PPFIA2: variants seen among roughly 807,000 people sequenced by gnomAD.
PPFIA2 encodes the protein PPFI scaffold protein A2, also known as liprin-alpha-2.
Under a neutral mutation model 175.5 loss-of-function variants are expected in PPFIA2, and 46 were observed. The observed-to-expected ratio is 0.26, with a 90% CI of 0.21 to 0.34. PPFIA2 has a LOEUF of 0.34. Ranked by LOEUF, PPFIA2 falls within the 10% of genes least tolerant of loss-of-function variation. The probability of loss-of-function intolerance (pLI) is 1.00; values close to 1 mark genes in which losing one functional copy is unlikely to be tolerated. For synonymous variants in PPFIA2, 568 were observed against 511.4 expected, an observed-to-expected ratio of 1.11 and a Z score of -1.49; for missense variants, 1,179 against 1,506.1, an observed-to-expected ratio of 0.78 and a Z score of 3.60.
At chr12:81,610,343 T>A (rs1365793745) in intron 4 of PPFIA2, among the ~76,000 whole-genome samples, 1 of 152,212 alleles carries the variant, frequency 6.6e-6, no homozygotes, top group Non-Finnish European at 1.5e-5. Context: ...ATTTTCCAAA[T>A]TGTTTATTTT....
chr12:81,378,577 G>A (rs17008456), intron 9 of PPFIA2, among the ~76,000 whole-genome samples: 4,536 of 152,008 alleles, frequency 0.03, 211 homozygotes, highest in African/African-American at 0.1. Flanking sequence ...CTCAATGATG[G>A]TAGAGTTTTT....
intron 3 of PPFIA2, among the ~76,000 whole-genome samples, chr12:81,703,411 C>G (rs1272167515): frequency 6.6e-6 from 1 of 152,032 alleles, no homozygotes; most frequent in Non-Finnish European, 1.5e-5. Flanking sequence ...TCCTCAATCC[C>G]CAAGTCCTAT....
At chr12:81,677,330 AT>A (rs2072727359) in intron 3 of PPFIA2, among the ~76,000 whole-genome samples, 1 of 151,956 alleles carries the variant, frequency 6.6e-6, no homozygotes, top group Non-Finnish European at 1.5e-5. Flanking sequence ...AACATTTATC[AT>A]TTCATTGTTT....
chr12:81,309,224 G>A (rs1158269892), intron 22 of PPFIA2, among the ~76,000 whole-genome samples: 3 of 152,158 alleles, frequency 2.0e-5, no homozygotes, highest in South Asian at 4.1e-4. Flanking sequence ...TTATTATTCA[G>A]GAATCCATAC....
chr12:81,727,532 TCAAA>T (rs1176758865), intron 3 of PPFIA2, among the ~76,000 whole-genome samples: 2 of 151,326 alleles, frequency 1.3e-5, no homozygotes, highest in African/African-American at 2.4e-5. Context: ...ACTCAAATAG[TCAAA>T]CAGAGGCATC....
intron 4 of PPFIA2, among the ~76,000 whole-genome samples, chr12:81,578,072 G>C (rs1414442055): frequency 6.6e-6 from 1 of 151,652 alleles, no homozygotes; most frequent in Non-Finnish European, 1.5e-5. Context: ...ATTTAGTGCT[G>C]GCTATGGGCT....
chr12:81,302,765 T>C (rs1372378968), intron 22 of PPFIA2: 9 of 414,758 alleles, frequency 2.2e-5, no homozygotes, highest in Non-Finnish European at 2.9e-5. Flanking sequence ...TTGCCTTGCA[T>C]TATTATTTTT....
chr12:81,532,413 A>G (rs1025247144), intron 4 of PPFIA2, among the ~76,000 whole-genome samples: 2 of 151,796 alleles, frequency 1.3e-5, no homozygotes, highest in African/African-American at 4.8e-5. Context: ...GCCAGTTGCC[A>G]TGAGGTCAAG....
chr12:81,634,457 A>G (rs950770114), intron 4 of PPFIA2, among the ~76,000 whole-genome samples: 33 of 152,040 alleles, frequency 2.2e-4, no homozygotes, highest in Admixed American at 1.9e-3. Context: ...AAGCATCCCA[A>G]TCCAGCTGTA....
At chr12:81,668,430 C>A (rs2070774989) in intron 4 of PPFIA2, among the ~76,000 whole-genome samples, 2 of 152,084 alleles carry the variant, frequency 1.3e-5, no homozygotes, top group South Asian at 4.1e-4. Context: ...AGTGGTCTTG[C>A]ATGTCCGCAA....
At chr12:81,549,184 C>A (rs988136467) in intron 4 of PPFIA2, among the ~76,000 whole-genome samples, 4 of 151,944 alleles carry the variant, frequency 2.6e-5, no homozygotes, top group African/African-American at 9.7e-5. Flanking sequence ...TTATTACTTT[C>A]ATTTATATAC....
intron 4 of PPFIA2, among the ~76,000 whole-genome samples, chr12:81,565,273 C>CCCCCAACACTCCTG (rs2071049103): frequency 6.6e-6 from 1 of 152,154 alleles, no homozygotes; most frequent in Non-Finnish European, 1.5e-5. Flanking sequence ...TCAGGAGCCA[C>CCCCCAACACTCCTG]CCCCAACACT....
At chr12:81,483,118 C>A (rs1051552260) in intron 4 of PPFIA2, among the ~76,000 whole-genome samples, 1 of 152,058 alleles carries the variant, frequency 6.6e-6, no homozygotes, top group Non-Finnish European at 1.5e-5. Flanking sequence ...GGCAGAACTG[C>A]AAAATGGCAC....
intron 4 of PPFIA2, among the ~76,000 whole-genome samples, chr12:81,536,727 C>A (rs955072220): frequency 1.2e-4 from 15 of 121,644 alleles, no homozygotes; most frequent in Non-Finnish European, 2.0e-4. Context: ...CATATATACA[C>A]AAATATATAT....
intron 4 of PPFIA2, among the ~76,000 whole-genome samples, chr12:81,481,165 A>G (rs1168328936): frequency 6.6e-6 from 1 of 152,138 alleles, no homozygotes; most frequent in Non-Finnish European, 1.5e-5. Context: ...AATAAAATAC[A>G]TAGGAATACA....
intron 28 of PPFIA2, among the ~76,000 whole-genome samples, chr12:81,274,460 G>A (rs1211982025): frequency 3.9e-5 from 6 of 151,946 alleles, no homozygotes; most frequent in Admixed American, 1.3e-4. Flanking sequence ...CTGTTTATGA[G>A]GTAAAGACAA....
intron 4 of PPFIA2, among the ~76,000 whole-genome samples, chr12:81,640,869 T>C (rs966123445): frequency 1.3e-5 from 2 of 150,848 alleles, no homozygotes; most frequent in African/African-American, 2.4e-5. Flanking sequence ...TCATTTACAG[T>C]TTTTTTTTGC....
At chr12:81,707,561 T>C (rs2077344894) in intron 3 of PPFIA2, among the ~76,000 whole-genome samples, 1 of 149,736 alleles carries the variant, frequency 6.7e-6, no homozygotes, top group East Asian at 2.0e-4. Context: ...GGAACACTTT[T>C]ACACTGTTGG....
chr12:81,657,093 A>C (rs1397520136), intron 4 of PPFIA2, among the ~76,000 whole-genome samples: 1 of 152,146 alleles, frequency 6.6e-6, no homozygotes, highest in African/African-American at 2.4e-5. Flanking sequence ...CCTGACTGTA[A>C]GCACTTGAAA....
Sources: allele counts gnomAD v4.1 joint callset (sites outside exome capture counted in the v4.1 genomes callset), GRCh38; gene constraint gnomAD v4.1.1; transcripts MANE v1.5; gene names NCBI Gene and HGNC (gene_info 2026-07-23, HGNC 2026-07-21).